Variants in SHISA9 observed in about 807,000 individuals in gnomAD.
SHISA9 encodes shisa family member 9.
Under a neutral mutation model 38.0 loss-of-function variants are expected in SHISA9, and 13 were observed. The ratio of observed to expected loss-of-function variants is 0.34; its 90% CI spans 0.22 to 0.54. The LOEUF is 0.54. Ranked by LOEUF, SHISA9 falls within the 20% of genes least tolerant of loss-of-function variation. The pLI, the probability that SHISA9 is intolerant of heterozygous loss-of-function variation, is 0.91. For missense variants in SHISA9, 538 were observed against 575.8 expected (o/e 0.93, Z 0.67); for synonymous variants, 275 against 242.0 (o/e 1.14, Z -1.27).
chr16:12,950,570 G>C (rs111958855), intron 2 of SHISA9, among the ~76,000 whole-genome samples: 126 of 151,948 alleles, frequency 8.3e-4, no homozygotes, highest in African/African-American at 2.9e-3. Flanking sequence ...CAGCATGGAG[G>C]TTCCTCAAAA....
chr16:13,217,373 C>T (rs980737401), intron 4 of SHISA9, among the ~76,000 whole-genome samples: 8 of 152,154 alleles, frequency 5.3e-5, no homozygotes, highest in Admixed American at 1.3e-4. Context: ...AAGATGAAGC[C>T]GTGTCTTTGG....
chr16:12,916,766 C>G lies in SHISA9; in HGVS notation c.642C>G (p.His214Gln). ...HMERDLNIVV[H>Q]VQHYENMDTR... ...AGAGAGACCTAAACATCGTTGTCCACGTCCAGCATTATGAGAACATGGACA... is the reference window on the plus strand; with the variant it reads ...AGAGAGACCTAAACATCGTTGTCCAGGTCCAGCATTATGAGAACATGGACA... The change falls in exon 2 of 5, where the codon CAC becomes CAG. Residue 214 changes from histidine (H) to glutamine (Q), a missense_variant. His to Gln is a conservative substitution (Grantham distance 24, BLOSUM62 0). This residue lies in a region of SHISA9 where 326 missense variants were observed against 305.9 expected (regional missense o/e 1.07). Transcript: ENST00000558583. The G allele has an allele frequency of 6.4e-7, 1 of 1,552,058 alleles. No homozygotes were observed. The highest frequency in any genetic ancestry group is 8.7e-7 in the Non-Finnish European group (1 of 1,147,068).
chr16:13,283,597 G>A, the SHISA9 span, among the ~76,000 whole-genome samples: 2 of 152,134 alleles, frequency 1.3e-5, no homozygotes, highest in East Asian at 3.9e-4. Flanking sequence ...ACTACCATGA[G>A]AATAGTATGG....
rs191512848 is a variant in SHISA9, at chr16:13,193,638, G to A, written c.692-9756G>A. ...TGTGATTACAGGCATGAGCCACCGC[G>A]CCTGGCCAATTTGGCCTTTCTGAGC... On this transcript the variant is annotated intron_variant, in intron 2 of 4. Coordinates refer to ENST00000558583, the MANE Select transcript of SHISA9 (RefSeq NM_001145204.3). Among the ~76,000 whole-genome samples, 470 of 152,300 alleles carry A rather than the reference G, an allele frequency of 3.1e-3. 5 individuals carry two copies. The highest frequency in any genetic ancestry group is 0.01 in the African/African-American group (435 of 41,574).
chr16:13,513,535 A>G, the SHISA9 span, among the ~76,000 whole-genome samples: 17 of 152,208 alleles, frequency 1.1e-4, no homozygotes, highest in African/African-American at 3.9e-4. Flanking sequence ...ACATATGCAC[A>G]TGTATGTTTA....
intron 2 of SHISA9, among the ~76,000 whole-genome samples, chr16:12,969,051 G>C (rs7196612): frequency 0.18 from 27,959 of 151,522 alleles, 2,734 homozygotes; most frequent in Admixed American, 0.22. Flanking sequence ...CAGCTACTTG[G>C]AAGGCTGAGG....
the SHISA9 span, among the ~76,000 whole-genome samples, chr16:13,510,777 T>C: frequency 6.6e-6 from 1 of 150,384 alleles, no homozygotes; most frequent in African/African-American, 2.5e-5. Flanking sequence ...TGTTGATAAA[T>C]GTGAATTTTC....
At chr16:13,256,208 C>A in the SHISA9 span, among the ~76,000 whole-genome samples, 7 of 152,178 alleles carry the variant, frequency 4.6e-5, no homozygotes, top group African/African-American at 4.8e-5. Flanking sequence ...CCTTCCCAGC[C>A]TCGATTAGGT....
the SHISA9 span, among the ~76,000 whole-genome samples, chr16:13,413,482 G>A: frequency 1.3e-3 from 196 of 152,182 alleles, 6 homozygotes; most frequent in Middle Eastern, 3.4e-3. Context: ...TTGGCCAGGC[G>A]CAGTGGCTCA....
chr16:13,487,536 A>AC, the SHISA9 span, among the ~76,000 whole-genome samples: 2 of 152,204 alleles, frequency 1.3e-5, no homozygotes, highest in African/African-American at 4.8e-5. Context: ...CACCAAGGGG[A>AC]CGGCCCAAGC....
chr16:13,367,708 G>C, the SHISA9 span, among the ~76,000 whole-genome samples: 1 of 116,632 alleles, frequency 8.6e-6, no homozygotes, highest in Non-Finnish European at 1.7e-5. Context: ...GCGCGCGCGC[G>C]CGCGCACACA....
At chr16:13,418,091 A>T in the SHISA9 span, among the ~76,000 whole-genome samples, 1 of 151,866 alleles carries the variant, frequency 6.6e-6, no homozygotes, top group Non-Finnish European at 1.5e-5. Flanking sequence ...TTTGGAGGGG[A>T]GGCCTAGCCT....
chr16:13,195,921 C>G (rs909972282), intron 2 of SHISA9, among the ~76,000 whole-genome samples: 13 of 151,228 alleles, frequency 8.6e-5, no homozygotes, highest in African/African-American at 3.2e-4. Flanking sequence ...AACCCTGTCT[C>G]TACTAAAAAT....
At chr16:13,200,468 A>T (rs2050996117) in intron 2 of SHISA9, among the ~76,000 whole-genome samples, 1 of 149,864 alleles carries the variant, frequency 6.7e-6, no homozygotes, top group African/African-American at 2.5e-5. Context: ...GCAGCAGCAT[A>T]CAATGAGAAC....
intron 1 of SHISA9, among the ~76,000 whole-genome samples, chr16:12,903,704 C>T (rs975021001): frequency 2.1e-4 from 32 of 152,146 alleles, no homozygotes; most frequent in African/African-American, 7.5e-4. Flanking sequence ...GGGGCATAAG[C>T]TTTAACTGTC....
the SHISA9 span, among the ~76,000 whole-genome samples, chr16:13,552,583 A>G: frequency 6.6e-6 from 1 of 152,128 alleles, no homozygotes; most frequent in Admixed American, 6.5e-5. Context: ...TTCGCAGTTG[A>G]GTAAATTGAG....
At chr16:13,139,302 C>A (rs533739963) in intron 2 of SHISA9, among the ~76,000 whole-genome samples, 1 of 145,566 alleles carries the variant, frequency 6.9e-6, no homozygotes, top group Non-Finnish European at 1.5e-5. Context: ...CTTTTTTTAA[C>A]TTTCTCCATC....
the SHISA9 span, among the ~76,000 whole-genome samples, chr16:13,262,502 A>C: frequency 6.6e-6 from 1 of 152,176 alleles, no homozygotes; most frequent in Non-Finnish European, 1.5e-5. Flanking sequence ...TGCTTTGCCC[A>C]ATAGCCTGGA....
intron 2 of SHISA9, among the ~76,000 whole-genome samples, chr16:12,993,179 C>T (rs1364095771): frequency 6.6e-6 from 1 of 152,140 alleles, no homozygotes. Flanking sequence ...TCCCAGGCAC[C>T]TACCCTCATA....
Sources: gnomAD v4.1 joint callset for allele counts (sites outside exome capture counted in the v4.1 genomes callset) on GRCh38, gnomAD v4.1.1 for gene constraint, gnomAD v4.1.1 regional missense constraint, MANE v1.5 for transcripts, NCBI Gene and HGNC (gene_info 2026-07-23, HGNC 2026-07-21) for gene names.